SH3BP5: variants seen among roughly 807,000 people sequenced by gnomAD.
SH3BP5 encodes SH3 domain-binding protein 5.
In SH3BP5, 22 loss-of-function variants were observed where a neutral mutation model predicts 43.3. That is an observed-to-expected ratio of 0.51 (90% CI 0.36 to 0.73). The LOEUF is 0.73. SH3BP5 is among the 30% of genes least tolerant of loss of function. SH3BP5 has a pLI of 0.00. For synonymous variants in SH3BP5, 255 were observed against 225.8 expected, an observed-to-expected ratio of 1.13 and a Z score of -1.16; for missense variants, 529 against 586.9, an observed-to-expected ratio of 0.90 and a Z score of 1.02.
chr3:15,330,599 A>C, intron 1 of SH3BP5, 33 bp from the exon 2 acceptor site: 1 of 1,540,124 alleles, frequency 6.5e-7, no homozygotes, highest in Non-Finnish European at 8.8e-7. Context: ...AAAAAGACTT[A>C]AGGGATCCGT....
At chr3:15,270,105 T>C (rs992818660) in intron 3 of SH3BP5, among the ~76,000 whole-genome samples, 6 of 152,152 alleles carry the variant, frequency 3.9e-5, no homozygotes, top group Non-Finnish European at 7.3e-5. Flanking sequence ...CTGGGCCCAA[T>C]GGATGAGATA....
chr3:15,312,023 C>T (rs2729684), intron 2 of SH3BP5, among the ~76,000 whole-genome samples: 120,404 of 151,910 alleles, frequency 0.79, 47,864 homozygotes, highest in Middle Eastern at 0.86. Context: ...GTTCTCAGAG[C>T]GTGGTCTGGC....
At chr3:15,312,336 T>C (rs1327212365) in intron 2 of SH3BP5, among the ~76,000 whole-genome samples, 2 of 152,246 alleles carry the variant, frequency 1.3e-5, no homozygotes, top group Non-Finnish European at 2.9e-5. Context: ...ATAAAATGTA[T>C]TATTTTTGTT....
intron 3 of SH3BP5, among the ~76,000 whole-genome samples, chr3:15,279,649 A>ATCCCCTG (rs1231840100): frequency 2.0e-5 from 3 of 152,188 alleles, no homozygotes; most frequent in Non-Finnish European, 2.9e-5. Flanking sequence ...GATGACAAAC[A>ATCCCCTG]TCCAAGGTTC....
At chr3:15,299,817 T>TGGATATTCCAGACACTGGAATAGAC (rs1559447107) in intron 3 of SH3BP5, among the ~76,000 whole-genome samples, 28 of 149,432 alleles carry the variant, frequency 1.9e-4, no homozygotes, top group African/African-American at 6.1e-4. Flanking sequence ...AGTGGATAGA[T>TGGATATTCCAGACACTGGAATAGAC]AGACATGGAT....
chr3:15,319,875 C>CA (rs1428155417), intron 2 of SH3BP5, among the ~76,000 whole-genome samples: 1 of 152,186 alleles, frequency 6.6e-6, no homozygotes, highest in East Asian at 1.9e-4. Context: ...AAGGACCGCC[C>CA]AGCTGAGCCC....
intron 3 of SH3BP5, among the ~76,000 whole-genome samples, chr3:15,272,560 T>TTTGATGATACCTCAGATCAAATTTTTAA (rs1559432638): frequency 1.8e-5 from 2 of 113,364 alleles, no homozygotes; most frequent in African/African-American, 1.2e-4. Context: ...GCCTGTAGGA[T>TTTGATGATACCTCAGATCAAATTTTTAA]AAAGACATTA....
upstream of SH3BP5, among the ~76,000 whole-genome samples, chr3:15,336,231 T>C (rs1698699477): frequency 6.6e-6 from 1 of 152,088 alleles, no homozygotes; most frequent in Non-Finnish European, 1.5e-5. Flanking sequence ...GGTCCTGAGG[T>C]GGGAATATGC....
chr3:15,289,985 G>T (rs1342683150), intron 3 of SH3BP5, among the ~76,000 whole-genome samples: 2 of 152,186 alleles, frequency 1.3e-5, no homozygotes, highest in Non-Finnish European at 2.9e-5. Context: ...ATATGCCACT[G>T]CTTTTAGAAA....
intron 1 of SH3BP5, among the ~76,000 whole-genome samples, chr3:15,340,382 G>T (rs1698751648): frequency 6.6e-6 from 1 of 152,202 alleles, no homozygotes. Context: ...CCTCTGGCAA[G>T]TGAAAATATG....
chr3:15,336,969 T>G (rs1045623322), upstream of SH3BP5, among the ~76,000 whole-genome samples: 1 of 152,176 alleles, frequency 6.6e-6, no homozygotes, highest in Non-Finnish European at 1.5e-5. Context: ...CCAACCCTGG[T>G]TCAATCCCAC....
intron 3 of SH3BP5, among the ~76,000 whole-genome samples, chr3:15,278,679 A>AT (rs1697038307): frequency 6.6e-6 from 1 of 152,120 alleles, no homozygotes; most frequent in Non-Finnish European, 1.5e-5. Flanking sequence ...TTCCTTGATT[A>AT]TTTTTCACAC....
At chr3:15,309,757 CAGA>C (rs1193258798) in intron 2 of SH3BP5, among the ~76,000 whole-genome samples, 1 of 152,098 alleles carries the variant, frequency 6.6e-6, no homozygotes, top group African/African-American at 2.4e-5. Context: ...GTATTAAACC[CAGA>C]AGACTTGATT....
intron 4 of SH3BP5, among the ~76,000 whole-genome samples, chr3:15,268,741 C>T (rs1696712656): frequency 6.6e-6 from 1 of 152,128 alleles, no homozygotes; most frequent in Non-Finnish European, 1.5e-5. Flanking sequence ...TTGTGTCCTC[C>T]CAAAATTCTT....
intron 1 of SH3BP5, 83 bp downstream of exon 1, chr3:15,332,188 T>C (rs1459619488): frequency 1.1e-5 from 17 of 1,535,530 alleles, no homozygotes; most frequent in Non-Finnish European, 1.4e-5. Context: ...TACTGGGGGC[T>C]GCGAAGTGGC....
At position 15,332,541 on chromosome 3, in the gene SH3BP5, G is replaced by A. The variant is rs549309584; in HGVS notation, c.-133C>T. On this transcript the variant is annotated 5_prime_UTR_variant, in exon 1 of 9. Transcript: ENST00000383791. Reference sequence around the variant, plus strand: ...GAGCCGCCGGGGCCGACACCCGGGAGACGCAGCTCGCCGATGCGGATACCT... The same window carrying A: ...GAGCCGCCGGGGCCGACACCCGGGAAACGCAGCTCGCCGATGCGGATACCT... The A allele has an allele frequency of 1.6e-6, 2 of 1,242,792 alleles. No individual in the cohort carries two copies. Among genetic ancestry groups the A allele is most frequent in the Admixed American group, 4.4e-5 (1 of 22,900 alleles). The allele number at this position is 1,242,792 out of a possible 1,614,324, so 77.0% of individuals were successfully genotyped here. A position where few individuals can be genotyped will look rare whatever the true frequency, so the allele number is the denominator to read the frequency against.
At chr3:15,309,182 G>C (rs774085417) in intron 2 of SH3BP5, among the ~76,000 whole-genome samples, 20 of 152,144 alleles carry the variant, frequency 1.3e-4, no homozygotes, top group Non-Finnish European at 1.3e-4. Context: ...CTTGGTCATA[G>C]AAATAAATAC....
At chr3:15,272,519 T>C (rs1291020049) in intron 3 of SH3BP5, among the ~76,000 whole-genome samples, 1 of 140,312 alleles carries the variant, frequency 7.1e-6, no homozygotes, top group Non-Finnish European at 1.6e-5. Flanking sequence ...AAGGAAGGAT[T>C]TGAGACTCTA....
intron 3 of SH3BP5, among the ~76,000 whole-genome samples, chr3:15,284,527 G>A (rs1697212257): frequency 6.6e-6 from 1 of 152,188 alleles, no homozygotes; most frequent in African/African-American, 2.4e-5. Context: ...CATTCCTCGT[G>A]CCTCAGATGA....
Sources: allele counts gnomAD v4.1 joint callset (sites outside exome capture counted in the v4.1 genomes callset), GRCh38; gene constraint gnomAD v4.1.1; transcripts MANE v1.5; gene names NCBI Gene and HGNC (gene_info 2026-07-23, HGNC 2026-07-21).